MYO1E: variants seen among roughly 807,000 people sequenced by gnomAD.
The protein encoded by MYO1E is unconventional myosin-Ie.
In MYO1E, 68 loss-of-function variants were observed where a neutral mutation model predicts 151.1. The observed-to-expected ratio is 0.45, with a 90% CI of 0.37 to 0.55. The LOEUF (loss-of-function observed/expected upper bound fraction) is 0.55, where lower values mean the gene tolerates loss of function less well. MYO1E is among the 20% of genes least tolerant of loss of function. MYO1E has a pLI of 0.00. For missense variants in MYO1E, 1,363 were observed against 1,389.3 expected, an observed-to-expected ratio of 0.98 and a Z score of 0.30; for synonymous variants, 601 against 501.7, an observed-to-expected ratio of 1.20 and a Z score of -2.64.
chr15:59,353,948 G>A (rs140050344), intron 1 of MYO1E, among the ~76,000 whole-genome samples: 1,554 of 152,136 alleles, frequency 0.01, 29 homozygotes, highest in African/African-American at 0.036. Context: ...AAATAATCTA[G>A]AGTTTGTGTG....
At chr15:59,316,567 T>C (rs1424887135) in intron 1 of MYO1E, among the ~76,000 whole-genome samples, 1 of 152,220 alleles carries the variant, frequency 6.6e-6, no homozygotes, top group Admixed American at 6.5e-5. Context: ...TAAGACCAAA[T>C]AACTGCATAC....
intron 1 of MYO1E, among the ~76,000 whole-genome samples, chr15:59,365,178 C>A (rs529311657): frequency 6.6e-6 from 1 of 151,820 alleles, no homozygotes; most frequent in African/African-American, 2.4e-5. Flanking sequence ...TGCCACCACA[C>A]TCGGCTAATT....
Position 59,216,691 on chromosome 15 carries a change from TACACACACAC to T in MYO1E, c.1107+1190_1107+1199del, listed in dbSNP as rs199582846. On this transcript the variant is annotated intron_variant, in intron 10 of 27. Coordinates refer to ENST00000288235, the MANE Select transcript of MYO1E (RefSeq NM_004998.4). ...GTATATATATATATATATATACACA[TACACACACAC>T]ACACACACACACACACACACACATA... Among the ~76,000 whole-genome samples the T allele has an allele frequency of 1.7e-3, 98 of 56,534 alleles. 6 individuals carry two copies. The highest frequency in any genetic ancestry group is 5.5e-3 in the East Asian group (14 of 2,552). 37.1% of individuals were successfully genotyped at this position (56,534 alleles called of 152,430 possible).
chr15:59,244,888 C>A (rs777232456), intron 4 of MYO1E, among the ~76,000 whole-genome samples: 16 of 152,130 alleles, frequency 1.1e-4, no homozygotes, highest in Non-Finnish European at 1.9e-4. Flanking sequence ...ATTAGGCAGC[C>A]CTCCTGAATA....
In MYO1E at chr15:59,350,492, T is replaced by TG. The variant is rs1239395096; in HGVS notation, c.3+22005_3+22006insC. ...AAACCAGAAAAGACACAGGAGAATG[T>TG]AGTGTCTGCCCTCAGAGACTACATG... is the stretch of plus-strand genomic sequence containing the variant. On this transcript the variant is annotated intron_variant, in intron 1 of 27. Transcript: ENST00000288235. This position sits in a 1 kb window ranked among gnomAD's most constrained non-coding sequence, Gnocchi z 5.0. Among the ~76,000 whole-genome samples the TG allele has an allele frequency of 1.3e-5, 2 of 152,142 alleles. No homozygotes were observed. Among genetic ancestry groups the TG allele is most frequent in the African/African-American group, 4.8e-5 (2 of 41,420 alleles).
At chr15:59,285,356 T>TC (rs1196863061) in intron 1 of MYO1E, among the ~76,000 whole-genome samples, 2 of 136,988 alleles carry the variant, frequency 1.5e-5, no homozygotes, top group Admixed American at 1.4e-4. Flanking sequence ...GTCTCTTTTT[T>TC]TTTTTTTTTT....
intron 13 of MYO1E, among the ~76,000 whole-genome samples, chr15:59,209,575 C>T (rs1024950997): frequency 1.3e-4 from 20 of 151,920 alleles, no homozygotes; most frequent in South Asian, 2.1e-4. Flanking sequence ...ACTCAGGAGG[C>T]TGAGACAGGA....
At chr15:59,217,868 C>T in intron 10 of MYO1E, 23 bp downstream of exon 10, 3 of 1,611,928 alleles carry the variant, frequency 1.9e-6, no homozygotes, top group Non-Finnish European at 2.5e-6. Flanking sequence ...GAAGCATCAC[C>T]AGCATCAACT....
intron 22 of MYO1E, among the ~76,000 whole-genome samples, chr15:59,164,062 G>T (rs1209510583): frequency 6.6e-6 from 1 of 152,200 alleles, no homozygotes. Flanking sequence ...CAAGCTATAG[G>T]GTGATGGCAG....
intron 21 of MYO1E, among the ~76,000 whole-genome samples, chr15:59,172,768 T>C (rs1826728332): frequency 6.6e-6 from 1 of 152,232 alleles, no homozygotes; most frequent in South Asian, 2.1e-4. Context: ...ATATTGTCAT[T>C]TGAATGATAA....
intron 1 of MYO1E, among the ~76,000 whole-genome samples, chr15:59,353,767 AAAAAAC>A (rs1246686859): frequency 2.6e-5 from 4 of 151,900 alleles, no homozygotes. Flanking sequence ...CAAAAAAAAA[AAAAAAC>A]AAAGAAAGAA....
At chr15:59,317,162 G>A (rs1315817450) in intron 1 of MYO1E, among the ~76,000 whole-genome samples, 1 of 152,148 alleles carries the variant, frequency 6.6e-6, no homozygotes, top group Admixed American at 6.5e-5. Flanking sequence ...GCCAATTAAT[G>A]GTCCAGATAC....
At chr15:59,372,334 G>A (rs1292514568) in intron 1 of MYO1E, among the ~76,000 whole-genome samples, 164 bp downstream of exon 1, 2 of 152,304 alleles carry the variant, frequency 1.3e-5, no homozygotes, top group South Asian at 2.1e-4. Flanking sequence ...CCCGGCCCGG[G>A]TTTACGGAAA....
chr15:59,261,879 G>C (rs968373679), intron 2 of MYO1E, among the ~76,000 whole-genome samples: 3 of 152,128 alleles, frequency 2.0e-5, no homozygotes, highest in Non-Finnish European at 4.4e-5. Context: ...TTTTTCCTTT[G>C]AACTTTCGTA....
At chr15:59,345,178 A>T (rs1237951325) in intron 1 of MYO1E, among the ~76,000 whole-genome samples, 1 of 152,200 alleles carries the variant, frequency 6.6e-6, no homozygotes. Context: ...CTCTTTTCTA[A>T]AAGCAATCAG....
intron 1 of MYO1E, among the ~76,000 whole-genome samples, chr15:59,332,314 A>C (rs904011006): frequency 6.6e-6 from 1 of 152,268 alleles, no homozygotes; most frequent in Non-Finnish European, 1.5e-5. Flanking sequence ...ACTGTGTCCA[A>C]GAATGCTGCC....
At chr15:59,309,070 C>T (rs1306791257) in intron 1 of MYO1E, among the ~76,000 whole-genome samples, 2 of 151,772 alleles carry the variant, frequency 1.3e-5, no homozygotes, top group South Asian at 2.1e-4. Context: ...GCCATGATCA[C>T]ACCACTGCAC....
chr15:59,228,072 C>A (rs1368442552), intron 6 of MYO1E, among the ~76,000 whole-genome samples: 1 of 152,120 alleles, frequency 6.6e-6, no homozygotes, highest in Non-Finnish European at 1.5e-5. Context: ...TACTGACGGG[C>A]CTAGGGATTT....
intron 19 of MYO1E, among the ~76,000 whole-genome samples, chr15:59,176,219 C>T (rs569507550): frequency 1.2e-4 from 18 of 152,118 alleles, no homozygotes; most frequent in Admixed American, 5.2e-4. Context: ...CCACCATGCC[C>T]GGCTAATTTT....
Sources: gnomAD v4.1 joint callset for allele counts (sites outside exome capture counted in the v4.1 genomes callset) on GRCh38, gnomAD v4.1.1 for gene constraint, Gnocchi (gnomAD v3.1) non-coding constraint, MANE v1.5 for transcripts, NCBI Gene and HGNC (gene_info 2026-07-23, HGNC 2026-07-21) for gene names.